ASCC3: variants seen among roughly 807,000 people sequenced by gnomAD.
ASCC3 encodes ASC-1 complex subunit P200.
A neutral mutation model predicts 256.3 loss-of-function variants in ASCC3; 158 were observed. The ratio of observed to expected loss-of-function variants is 0.62; its 90% confidence interval spans 0.54 to 0.70. ASCC3 has a LOEUF of 0.70. ASCC3 is among the 30% of genes least tolerant of loss of function. The pLI is 0.00. For synonymous variants in ASCC3, 948 were observed against 883.4 expected (o/e 1.07, Z -1.30); for missense variants, 2,259 against 2,626.0 (o/e 0.86, Z 3.05).
intron 30 of ASCC3, among the ~76,000 whole-genome samples, chr6:100,620,481 T>C (rs1192497782): frequency 6.6e-6 from 1 of 152,186 alleles, no homozygotes; most frequent in Non-Finnish European, 1.5e-5. Context: ...CCTTTGCCAA[T>C]AAATTAATGA....
Position 100,661,323 on chromosome 6 carries a change from TCACA to T in ASCC3, c.2703+479_2703+482del, listed in dbSNP as rs749963143. ...TGCTATGTAAATCTTAACACAAAAGTCACACACACACACACACACACACACACAC... is the reference window on the plus strand; with the variant it reads ...TGCTATGTAAATCTTAACACAAAAGTCACACACACACACACACACACACAC... On this transcript the variant is annotated intron_variant, in intron 16 of 41. Transcript: ENST00000369162. Among the ~76,000 whole-genome samples, 439 of 141,424 alleles carry T rather than the reference TCACA, an allele frequency of 3.1e-3. 1 individual carries two copies. Among genetic ancestry groups the T allele is most frequent in the South Asian group, 5.2e-3 (23 of 4,416 alleles). The allele number at this position is 141,424 out of a possible 152,430, so 92.8% of individuals were successfully genotyped here. A position where few individuals can be genotyped will look rare whatever the true frequency, so the allele number is the denominator to read the frequency against.
At chr6:100,787,035 G>T (rs1468866478) in intron 8 of ASCC3, among the ~76,000 whole-genome samples, 4 of 152,092 alleles carry the variant, frequency 2.6e-5, no homozygotes, top group Non-Finnish European at 5.9e-5. Flanking sequence ...AGACCCTAAG[G>T]TAAGCCCAAA....
intron 21 of ASCC3, among the ~76,000 whole-genome samples, 195 bp downstream of exon 21, chr6:100,647,031 T>C (rs941875489): frequency 6.6e-6 from 1 of 152,132 alleles, no homozygotes; most frequent in Non-Finnish European, 1.5e-5. Context: ...CTTGATAGTG[T>C]TTAAACTACT....
chr6:100,712,601 A>G (rs1778903085), intron 13 of ASCC3, among the ~76,000 whole-genome samples: 1 of 152,184 alleles, frequency 6.6e-6, no homozygotes. Context: ...CAAAATATTG[A>G]CAAAACCAAA....
At chr6:100,787,966 T>G (rs1769171668) in intron 8 of ASCC3, among the ~76,000 whole-genome samples, 1 of 151,986 alleles carries the variant, frequency 6.6e-6, no homozygotes, top group Non-Finnish European at 1.5e-5. Context: ...TCGAGTTTTT[T>G]TTTTTGTTTA....
chr6:100,628,029 CTG>C (rs747656268), intron 27 of ASCC3, 42 bp from the exon 28 acceptor site: 2 of 1,600,256 alleles, frequency 1.2e-6, no homozygotes, highest in African/African-American at 2.7e-5. Flanking sequence ...TTTAACAAGC[CTG>C]TGTTGGTCAT....
intron 20 of ASCC3, among the ~76,000 whole-genome samples, chr6:100,650,305 A>C (rs1052455118): frequency 2.0e-5 from 3 of 151,766 alleles, no homozygotes; most frequent in Non-Finnish European, 4.4e-5. Flanking sequence ...ACTTTGTAAG[A>C]AACATCAACA....
chr6:100,833,780 C>T (rs781304462), intron 4 of ASCC3, among the ~76,000 whole-genome samples: 6 of 152,190 alleles, frequency 3.9e-5, no homozygotes, highest in East Asian at 1.9e-4. Context: ...GGTGGCAGGA[C>T]GCGCGCTTTT....
At chr6:100,511,389 G>C (rs916509629) in intron 40 of ASCC3, among the ~76,000 whole-genome samples, 65 of 152,178 alleles carry the variant, frequency 4.3e-4, no homozygotes, top group African/African-American at 1.5e-3. Flanking sequence ...TTGTACTCCA[G>C]CCTGGATAAC....
chr6:100,561,750 A>G (rs954924356), intron 36 of ASCC3, among the ~76,000 whole-genome samples: 1 of 152,126 alleles, frequency 6.6e-6, no homozygotes, highest in African/African-American at 2.4e-5. Flanking sequence ...ATCTATCAGA[A>G]AAAAGATGAC....
chr6:100,608,212 T>G lies in ASCC3; in HGVS notation c.4786-1124A>C, dbSNP rs1257243610. The stretch of plus-strand genomic sequence containing the variant: ...TATATATATACTTTATATATATACT[T>G]TATATATATACTTTATATACTTTAT... On this transcript the variant is annotated intron_variant, in intron 30 of 41. Transcript: ENST00000369162. Among the ~76,000 whole-genome samples, 13 of 55,978 alleles carry G rather than the reference T, an allele frequency of 2.3e-4. 2 individuals carry two copies. The highest frequency in any genetic ancestry group is 1.0e-3 in the African/African-American group (12 of 11,646). 36.7% of individuals were successfully genotyped at this position (55,978 alleles called of 152,430 possible). A position where few individuals can be genotyped will look rare whatever the true frequency, so the allele number is the denominator to read the frequency against.
chr6:100,794,720 T>C (rs1769520538), intron 8 of ASCC3, among the ~76,000 whole-genome samples: 3 of 152,104 alleles, frequency 2.0e-5, no homozygotes, highest in Admixed American at 6.6e-5. Context: ...ACTCAATTAT[T>C]GTAAATTTTA....
At chr6:100,581,987 C>G (rs1771305340) in intron 36 of ASCC3, among the ~76,000 whole-genome samples, 1 of 151,938 alleles carries the variant, frequency 6.6e-6, no homozygotes, top group African/African-American at 2.4e-5. Flanking sequence ...GTTACTGTAG[C>G]CTTGTAGTAT....
chr6:100,810,920 T>C (rs542183136), intron 4 of ASCC3, among the ~76,000 whole-genome samples: 28 of 151,960 alleles, frequency 1.8e-4, no homozygotes, highest in Admixed American at 3.3e-4. Context: ...AGCAAGTAAA[T>C]AGTCTAGACA....
intron 10 of ASCC3, among the ~76,000 whole-genome samples, chr6:100,758,904 T>C (rs571827537): frequency 1.3e-5 from 2 of 152,268 alleles, no homozygotes; most frequent in Admixed American, 6.5e-5. Flanking sequence ...CTAGCATCTG[T>C]TGTTTCTTGG....
At chr6:100,717,939 C>A in intron 12 of ASCC3, 136 bp downstream of exon 12, 1 of 717,836 alleles carries the variant, frequency 1.4e-6, no homozygotes, top group South Asian at 1.8e-5. Context: ...TAATGTGATT[C>A]AATGTTCTGC....
At chr6:100,745,515 A>C (rs997174725) in intron 10 of ASCC3, among the ~76,000 whole-genome samples, 84 of 143,194 alleles carry the variant, frequency 5.9e-4, no homozygotes, top group Admixed American at 3.9e-3. Flanking sequence ...AAAAAAAAAA[A>C]ACAAAAAACA....
chr6:100,659,087 TTAATA>T (rs1310942725), intron 16 of ASCC3, among the ~76,000 whole-genome samples: 1 of 151,464 alleles, frequency 6.6e-6, no homozygotes. Context: ...AAATTATAAC[TTAATA>T]TAATAATTTC....
At chr6:100,852,600 A>G (rs1405690972) in intron 3 of ASCC3, among the ~76,000 whole-genome samples, 4 of 152,208 alleles carry the variant, frequency 2.6e-5, no homozygotes, top group African/African-American at 7.2e-5. Context: ...TCTGCTTCAT[A>G]TCACTCACTG....
Sources: allele counts gnomAD v4.1 joint callset (sites outside exome capture counted in the v4.1 genomes callset), GRCh38; gene constraint gnomAD v4.1.1; transcripts MANE v1.5; gene names NCBI Gene and HGNC (gene_info 2026-07-23, HGNC 2026-07-21).